GNPTAB: variants seen among roughly 807,000 people sequenced by gnomAD.
The protein encoded by GNPTAB is N-acetylglucosamine-1-phosphotransferase subunits alpha/beta.
GNPTAB carries 92 observed loss-of-function variants against 136.6 expected under a neutral mutation model. That is an observed-to-expected ratio of 0.67 (90% CI 0.57 to 0.80). GNPTAB has a LOEUF of 0.80. Among genes scored for constraint, GNPTAB ranks in the 30% least tolerant of loss-of-function variants. The pLI is 0.00. For synonymous variants in GNPTAB, 512 were observed against 535.1 expected, an observed-to-expected ratio of 0.96 and a Z score of 0.60; for missense variants, 1,343 against 1,501.8, an observed-to-expected ratio of 0.89 and a Z score of 1.75.
chr12:101,806,647 G>T (rs1198927187), intron 1 of GNPTAB, among the ~76,000 whole-genome samples: 1 of 152,120 alleles, frequency 6.6e-6, no homozygotes, highest in Non-Finnish European at 1.5e-5. Context: ...GGAGCATTAT[G>T]AACAACTCTG....
intron 5 of GNPTAB, among the ~76,000 whole-genome samples, chr12:101,783,734 T>TC (rs1375943511): frequency 9.3e-5 from 14 of 150,850 alleles, no homozygotes; most frequent in Admixed American, 2.6e-4. Context: ...TTTTTTTTTT[T>TC]CAGACAGGGT....
rs1336107009 is a variant in GNPTAB at position 101,769,910 on chromosome 12, T to A, written c.1284+111A>T. On this transcript the variant is annotated intron_variant, in intron 10 of 20. Transcript: ENST00000299314. ...CCTCCCAAAGTACTGGGATTACAGGTGTGAGCCACCATGTCTGGCCTGATA... is the reference window on the plus strand; with the variant it reads ...CCTCCCAAAGTACTGGGATTACAGGAGTGAGCCACCATGTCTGGCCTGATA... The A allele has an allele frequency of 3.7e-6, 4 of 1,083,342 alleles. No homozygotes were observed. The Admixed American group carries it at 5.1e-5, about 14-fold the overall frequency. The allele number at this position is 1,083,342 out of a possible 1,614,324, so 67.1% of individuals were successfully genotyped here.
At chr12:101,762,856 G>T (rs1046188347) in intron 13 of GNPTAB, among the ~76,000 whole-genome samples, 20 of 140,212 alleles carry the variant, frequency 1.4e-4, no homozygotes, top group East Asian at 4.3e-4. Context: ...GTATATTTTT[G>T]AATTGTTTGC....
chr12:101,825,155 T>C (rs940309752), intron 1 of GNPTAB, among the ~76,000 whole-genome samples: 1 of 152,232 alleles, frequency 6.6e-6, no homozygotes, highest in Non-Finnish European at 1.5e-5. Context: ...TCCCCTGTGT[T>C]GTTATTCAGT....
chr12:101,818,756 T>C (rs1870645455), intron 1 of GNPTAB, among the ~76,000 whole-genome samples: 1 of 152,190 alleles, frequency 6.6e-6, no homozygotes, highest in African/African-American at 2.4e-5. Flanking sequence ...TTTTGAATTG[T>C]AGCTCCCATA....
intron 1 of GNPTAB, among the ~76,000 whole-genome samples, chr12:101,804,337 GAA>G (rs1427002519): frequency 6.7e-6 from 1 of 149,082 alleles, no homozygotes; most frequent in Non-Finnish European, 1.5e-5. Context: ...GGAAAAGAGA[GAA>G]AGAGAAAAAA....
At chr12:101,755,633 T>C (rs1465428427) in intron 18 of GNPTAB, among the ~76,000 whole-genome samples, 1 of 152,238 alleles carries the variant, frequency 6.6e-6, no homozygotes, top group Non-Finnish European at 1.5e-5. Flanking sequence ...GCCTGGAGAT[T>C]GTCTATCCCA....
In GNPTAB at chr12:101,766,174, G is replaced by A. The variant is rs770597304; in HGVS notation, c.1529C>T (p.Ala510Val). Reference protein sequence around the residue: ...NSVSYCNQGCANSWLADKFCD... With the variant: ...NSVSYCNQGCVNSWLADKFCD... ...GAACTTATCAGCGAGCCAGGAATTC[G>A]CACATCCCTGATTACAGTAAGAGAC... The change falls in exon 12 of 21, where the codon GCG (alanine) becomes GTG (valine). Residue 510 changes from alanine to valine, a missense_variant. Coordinates refer to ENST00000299314, the MANE Select transcript of GNPTAB (RefSeq NM_024312.5). 13 of 1,613,882 alleles carry A rather than the reference G, an allele frequency of 8.1e-6. No homozygotes were observed. The Admixed American group carries it at 1.3e-4, about 17-fold the overall frequency.
At chr12:101,805,067 T>C (rs906307454) in intron 1 of GNPTAB, among the ~76,000 whole-genome samples, 37 of 148,582 alleles carry the variant, frequency 2.5e-4, no homozygotes, top group African/African-American at 9.0e-4. Flanking sequence ...ATAATTAAAA[T>C]ATATCATGTG....
chr12:101,799,811 T>A (rs1594245353), intron 1 of GNPTAB, among the ~76,000 whole-genome samples: 2 of 143,718 alleles, frequency 1.4e-5, no homozygotes, highest in African/African-American at 2.6e-5. Context: ...GGCACTGAAG[T>A]GGTCTACCTG....
At chr12:101,769,273 C>G (rs186111302) in intron 10 of GNPTAB, among the ~76,000 whole-genome samples, 1 of 152,182 alleles carries the variant, frequency 6.6e-6, no homozygotes, top group Non-Finnish European at 1.5e-5. Context: ...GTACTCTTAA[C>G]CACTTCTCCA....
intron 1 of GNPTAB, among the ~76,000 whole-genome samples, chr12:101,801,231 CAAAAAAAAAAAAA>C (rs35036983): frequency 7.1e-4 from 9 of 12,748 alleles, no homozygotes; most frequent in East Asian, 1.9e-3. Flanking sequence ...GACCCTGTCT[CAAAAAAAAAAAAA>C]AAAAAAAAAA....
chr12:101,785,787 T>C (rs1269005549), intron 5 of GNPTAB: 1 of 523,260 alleles, frequency 1.9e-6, no homozygotes, highest in African/African-American at 1.9e-5. Flanking sequence ...AAAGTCCTCA[T>C]CACAGCACAG....
At chr12:101,775,082 G>T (rs1953241606) in intron 7 of GNPTAB, among the ~76,000 whole-genome samples, 1 of 152,196 alleles carries the variant, frequency 6.6e-6, no homozygotes, top group African/African-American at 2.4e-5. Flanking sequence ...AAGGATAGCG[G>T]CAACAGGTCT....
At chr12:101,808,265 C>A (rs1263470664) in intron 1 of GNPTAB, among the ~76,000 whole-genome samples, 1 of 151,416 alleles carries the variant, frequency 6.6e-6, no homozygotes, top group Non-Finnish European at 1.5e-5. Flanking sequence ...CAAACTGACT[C>A]TAAAGTTACA....
chr12:101,780,063 C>T, intron 7 of GNPTAB, 89 bp downstream of exon 7: 1 of 1,312,252 alleles, frequency 7.6e-7, no homozygotes, highest in Non-Finnish European at 1.1e-6. Context: ...ATCAGCTAAA[C>T]TTTGGGGGAA....
intron 16 of GNPTAB, among the ~76,000 whole-genome samples, chr12:101,758,851 C>T (rs1358785643): frequency 6.6e-6 from 1 of 152,160 alleles, no homozygotes; most frequent in Non-Finnish European, 1.5e-5. Flanking sequence ...AAAAATACCA[C>T]TTCATTCTGA....
chr12:101,753,305 A>G, intron 19 of GNPTAB, 67 bp downstream of exon 19: 2 of 1,199,716 alleles, frequency 1.7e-6, no homozygotes, highest in Non-Finnish European at 2.5e-6. Flanking sequence ...TTCATCACTA[A>G]CATATAGATA....
intron 19 of GNPTAB, 75 bp downstream of exon 19, chr12:101,753,297 C>A: frequency 2.6e-6 from 3 of 1,156,208 alleles, no homozygotes; most frequent in East Asian, 2.4e-5. Flanking sequence ...AAAAACATTT[C>A]ATCACTAACA....
Sources: gnomAD v4.1 joint callset for allele counts (sites outside exome capture counted in the v4.1 genomes callset) on GRCh38, gnomAD v4.1.1 for gene constraint, MANE v1.5 for transcripts, NCBI Gene and HGNC (gene_info 2026-07-23, HGNC 2026-07-21) for gene names.